Variants in SCFD2 observed in about 807,000 individuals in gnomAD.
SCFD2 encodes sec1 family domain containing 2, also known as sec1 family domain-containing protein 2.
In SCFD2, 54 loss-of-function variants were observed where a neutral mutation model predicts 58.9. The observed-to-expected ratio is 0.92, with a 90% CI of 0.74 to 1.15. The LOEUF is 1.15. Among genes scored for constraint, SCFD2 ranks in the 50% most tolerant of loss-of-function variants. SCFD2 has a pLI of 0.00. For missense variants in SCFD2, 805 were observed against 836.6 expected, an observed-to-expected ratio of 0.96 and a Z score of 0.47; for synonymous variants, 321 against 335.9, an observed-to-expected ratio of 0.96 and a Z score of 0.49.
chr4:52,876,758 A>G (rs1428113232), intron 8 of SCFD2, among the ~76,000 whole-genome samples: 16 of 77,846 alleles, frequency 2.1e-4, no homozygotes, highest in African/African-American at 5.9e-4. Flanking sequence ...TCTGTCTCGA[A>G]AAAAAAAAAA....
chr4:53,232,399 A>C (rs986517002), intron 4 of SCFD2, among the ~76,000 whole-genome samples: 7 of 152,138 alleles, frequency 4.6e-5, no homozygotes, highest in Admixed American at 4.6e-4. Context: ...TTTCCCCTGG[A>C]ATAAGCTTTT....
intron 5 of SCFD2, among the ~76,000 whole-genome samples, chr4:53,041,811 A>G (rs1177869188): frequency 1.3e-5 from 2 of 152,104 alleles, no homozygotes; most frequent in African/African-American, 4.8e-5. Flanking sequence ...CTTGAGTTTT[A>G]TTCTTTTCAG....
At chr4:53,204,713 T>C (rs966086642) in intron 4 of SCFD2, among the ~76,000 whole-genome samples, 1 of 146,154 alleles carries the variant, frequency 6.8e-6, no homozygotes, top group Non-Finnish European at 1.5e-5. Context: ...GTACCCAGCA[T>C]ACTAGATGAA....
At chr4:52,889,687 G>A (rs1483618279) in intron 7 of SCFD2, among the ~76,000 whole-genome samples, 4 of 152,134 alleles carry the variant, frequency 2.6e-5, no homozygotes, top group African/African-American at 7.2e-5. Context: ...CCAGTGTGCT[G>A]CTCCATTAAT....
intron 7 of SCFD2, among the ~76,000 whole-genome samples, chr4:52,904,193 G>C (rs1470939758): frequency 2.0e-5 from 3 of 152,208 alleles, no homozygotes; most frequent in African/African-American, 7.2e-5. Context: ...ATGAGTTCAG[G>C]AACAGGACAG....
At chr4:53,036,512 C>T (rs1009115034) in intron 5 of SCFD2, among the ~76,000 whole-genome samples, 7 of 151,128 alleles carry the variant, frequency 4.6e-5, no homozygotes, top group African/African-American at 1.7e-4. Context: ...ACTATGCATC[C>T]ATAAAAAAGG....
chr4:52,919,353 T>C (rs966086671), intron 6 of SCFD2, among the ~76,000 whole-genome samples: 8 of 152,320 alleles, frequency 5.3e-5, no homozygotes, highest in East Asian at 1.9e-4. Context: ...GTCCACATTA[T>C]AGTATTTAAG....
At chr4:53,328,428 A>T (rs1243986259) in intron 2 of SCFD2, among the ~76,000 whole-genome samples, 1 of 152,222 alleles carries the variant, frequency 6.6e-6, no homozygotes, top group African/African-American at 2.4e-5. Flanking sequence ...TAAAATGCTC[A>T]AAGAACGATG....
At chr4:53,351,654 G>T (rs966489062) in intron 2 of SCFD2, among the ~76,000 whole-genome samples, 1 of 152,160 alleles carries the variant, frequency 6.6e-6, no homozygotes, top group African/African-American at 2.4e-5. Context: ...TTGTAGAGCT[G>T]CAAGCCTTTA....
intron 5 of SCFD2, among the ~76,000 whole-genome samples, chr4:53,056,369 C>T (rs965812147): frequency 2.6e-5 from 4 of 152,128 alleles, no homozygotes; most frequent in Non-Finnish European, 5.9e-5. Flanking sequence ...GCCTCAGCCA[C>T]AGTTTAGGAC....
chr4:53,329,565 A>C (rs1304784774), intron 2 of SCFD2, among the ~76,000 whole-genome samples: 1 of 151,368 alleles, frequency 6.6e-6, no homozygotes, highest in Admixed American at 6.6e-5. Flanking sequence ...TAACAAACAG[A>C]AAGGACATCC....
At chr4:53,339,577 C>A (rs1733797761) in intron 2 of SCFD2, among the ~76,000 whole-genome samples, 1 of 152,074 alleles carries the variant, frequency 6.6e-6, no homozygotes, top group South Asian at 2.1e-4. Context: ...CAAGAGCAGC[C>A]TGGCCAACAT....
At chr4:53,171,812 T>C (rs1030079488) in intron 4 of SCFD2, among the ~76,000 whole-genome samples, 1 of 151,970 alleles carries the variant, frequency 6.6e-6, no homozygotes, top group African/African-American at 2.4e-5. Context: ...TATGATTCTT[T>C]GTATTTCTGT....
intron 2 of SCFD2, among the ~76,000 whole-genome samples, chr4:53,335,099 G>A (rs116547010): frequency 0.011 from 1,687 of 148,984 alleles, 23 homozygotes; most frequent in African/African-American, 0.039. Flanking sequence ...CAATGACTGA[G>A]GCTCAAGAAT....
At chr4:53,346,545 A>C (rs1250841326) in intron 2 of SCFD2, among the ~76,000 whole-genome samples, 1 of 152,084 alleles carries the variant, frequency 6.6e-6, no homozygotes, top group Admixed American at 6.5e-5. Context: ...AAGCGCTGGG[A>C]TTACAGGCAT....
At chr4:53,213,323 C>T (rs886769598) in intron 4 of SCFD2, among the ~76,000 whole-genome samples, 3 of 152,012 alleles carry the variant, frequency 2.0e-5, no homozygotes, top group African/African-American at 7.3e-5. Context: ...CTTGGAGATG[C>T]ATAGTGCCAA....
At chr4:52,994,492 G>C (rs1036551008) in intron 5 of SCFD2, among the ~76,000 whole-genome samples, 1 of 152,176 alleles carries the variant, frequency 6.6e-6, no homozygotes, top group Non-Finnish European at 1.5e-5. Context: ...AGCCCCACTG[G>C]TCAGTGAGAG....
intron 5 of SCFD2, among the ~76,000 whole-genome samples, chr4:53,083,007 A>G (rs1265768055): frequency 6.6e-6 from 1 of 151,808 alleles, no homozygotes; most frequent in Non-Finnish European, 1.5e-5. Flanking sequence ...CTTAATATAT[A>G]TCCTATTGGT....
rs187924785 is a variant in SCFD2 at position 53,345,354 on chromosome 4, T to C, written c.1007+7244A>G. ...AACAGACACATGAAAAAATGTTCAT[T>C]ATCACTTGTCATCAGAGAAATGCAA... On this transcript the variant is annotated intron_variant, in intron 2 of 8. Coordinates refer to ENST00000401642, the MANE Select transcript of SCFD2 (RefSeq NM_152540.4). 2.0e-5 allele frequency among the ~76,000 whole-genome samples: 3 copies of C among 152,268 alleles called. No homozygotes were observed. In the East Asian group the frequency reaches 5.8e-4, roughly 29 times the overall value.
Sources: gnomAD v4.1 joint callset for allele counts (sites outside exome capture counted in the v4.1 genomes callset) on GRCh38, gnomAD v4.1.1 for gene constraint, MANE v1.5 for transcripts, NCBI Gene and HGNC (gene_info 2026-07-23, HGNC 2026-07-21) for gene names.